Variants in ABCC9 observed in about 807,000 individuals in gnomAD.
ABCC9 encodes the protein ATP-binding cassette sub-family C member 9.
In ABCC9, 95 loss-of-function variants were observed where a neutral mutation model predicts 188.3. The ratio of observed to expected loss-of-function variants is 0.50; its 90% confidence interval spans 0.43 to 0.60. The LOEUF is 0.60. Among genes scored for constraint, ABCC9 ranks in the 20% least tolerant of loss-of-function variants. The pLI is 0.00. For synonymous variants in ABCC9, 659 were observed against 652.7 expected (o/e 1.01, Z -0.15); for missense variants, 1,102 against 1,876.3 (o/e 0.59, Z 7.62).
At chr12:21,838,342 G>A (rs766192201) in intron 29 of ABCC9, among the ~76,000 whole-genome samples, 172 bp from the exon 30 acceptor site, 1 of 152,202 alleles carries the variant, frequency 6.6e-6, no homozygotes, top group Non-Finnish European at 1.5e-5. Flanking sequence ...TAAAGAGGAA[G>A]AGAAAGATGG....
intron 24 of ABCC9, among the ~76,000 whole-genome samples, chr12:21,850,822 T>C (rs1372259570): frequency 6.6e-6 from 1 of 152,140 alleles, no homozygotes; most frequent in Non-Finnish European, 1.5e-5. Context: ...CACAGCACAA[T>C]TCCTAAGCAG....
intron 31 of ABCC9, chr12:21,827,113 G>T: frequency 1.0e-6 from 1 of 985,244 alleles, no homozygotes; most frequent in Non-Finnish European, 1.2e-6. Context: ...TTCACGTGGG[G>T]GTTAAAGTAT....
intron 31 of ABCC9, among the ~76,000 whole-genome samples, chr12:21,825,177 G>A (rs182141529): frequency 3.3e-4 from 50 of 152,266 alleles, no homozygotes; most frequent in East Asian, 1.2e-3. Context: ...AAATAGGAAC[G>A]CTTTTACACT....
chr12:21,803,371 C>T (rs1176505602), intron 39 of ABCC9, among the ~76,000 whole-genome samples: 2 of 151,600 alleles, frequency 1.3e-5, no homozygotes, highest in African/African-American at 4.8e-5. Flanking sequence ...AAAATAAAAA[C>T]ATTAGGCCAG....
intron 16 of ABCC9, among the ~76,000 whole-genome samples, 156 bp downstream of exon 16, chr12:21,882,610 A>G (rs890852487): frequency 3.3e-5 from 5 of 152,222 alleles, no homozygotes; most frequent in African/African-American, 9.6e-5. Context: ...AGAACTGACA[A>G]TTAAAACTCA....
At chr12:21,903,625 A>G (rs1947881934) in intron 12 of ABCC9, among the ~76,000 whole-genome samples, 1 of 152,214 alleles carries the variant, frequency 6.6e-6, no homozygotes, top group African/African-American at 2.4e-5. Flanking sequence ...AAACATTCCT[A>G]TACACCAATA....
intron 29 of ABCC9, among the ~76,000 whole-genome samples, chr12:21,838,730 A>G (rs1048166424): frequency 1.3e-5 from 2 of 152,120 alleles, no homozygotes; most frequent in African/African-American, 4.8e-5. Context: ...AAAATCGCTG[A>G]AGACTAGAAA....
intron 7 of ABCC9, among the ~76,000 whole-genome samples, chr12:21,914,021 T>C (rs1948433836): frequency 1.3e-5 from 2 of 152,194 alleles, no homozygotes; most frequent in Non-Finnish European, 1.5e-5. Context: ...TTTTAAAAAT[T>C]TTATGCAATA....
At chr12:21,899,276 A>G (rs901722455) in intron 12 of ABCC9, among the ~76,000 whole-genome samples, 1 of 152,206 alleles carries the variant, frequency 6.6e-6, no homozygotes, top group Non-Finnish European at 1.5e-5. Flanking sequence ...TCTTCGGCCA[A>G]TGCTGTTTGA....
At position 21,872,632 on chromosome 12, in the gene ABCC9, A is replaced by G. The variant is rs367621959; in HGVS notation, c.2191T>C (p.Trp731Arg). ...AACTAAAAATATACATACTTGCTCC[A>G]GTGAACTTTTCCTTCCAATGTCTGC... ...EMQTLEGKVH[W>R]SNVNESEPSF... The change falls in exon 18 of 40, where the codon TGG (tryptophan) becomes CGG (arginine). Residue 731 changes from tryptophan (W) to arginine (R), a missense_variant. By Grantham distance (101) the Trp-to-Arg change is moderately radical (BLOSUM62 -3). This residue lies in a region of ABCC9 where 258 missense variants were observed against 325.6 expected (regional missense o/e 0.79). Coordinates refer to ENST00000261200, the MANE Select transcript of ABCC9 (RefSeq NM_020297.4). The G allele has an allele frequency of 6.2e-7, 1 of 1,612,416 alleles. No individual in the cohort carries two copies. The highest frequency in any genetic ancestry group is 8.5e-7 in the Non-Finnish European group (1 of 1,178,472).
intron 16 of ABCC9, among the ~76,000 whole-genome samples, chr12:21,877,396 A>G (rs1160567961): frequency 6.6e-6 from 1 of 152,228 alleles, no homozygotes; most frequent in African/African-American, 2.4e-5. Context: ...GTAAAGAACT[A>G]TAGTGAGAAT....
chr12:21,801,132 C>T lies in ABCC9; in HGVS notation c.4562G>A (p.Arg1521Gln), dbSNP rs1477972160. The change falls in exon 40 of 40, where the codon CGA becomes CAA. Residue 1521 changes from arginine to glutamine, a missense_variant. Arg to Gln is a conservative substitution (Grantham distance 43). Around this residue, in one of 12 missense-constraint regions of ABCC9, gnomAD observed 40 missense variants for 105.5 expected, o/e 0.38. Coordinates refer to ENST00000261200, the MANE Select transcript of ABCC9 (RefSeq NM_020297.4). ...AGTGTCATATTCTAAAATATTTCCT[C>T]GCTTCATCACAATAACCAGGTCTGC... ...LTADLVIVMKRGNILEYDTPE... is the reference protein window; with the variant it reads ...LTADLVIVMKQGNILEYDTPE... 2 of 1,613,862 alleles carry T rather than the reference C, an allele frequency of 1.2e-6. No homozygotes were observed. Among genetic ancestry groups the T allele is most frequent in the East Asian group, 2.2e-5 (1 of 44,878 alleles).
chr12:21,934,188 C>T (rs990892164), intron 3 of ABCC9, among the ~76,000 whole-genome samples: 1 of 152,062 alleles, frequency 6.6e-6, no homozygotes, highest in Non-Finnish European at 1.5e-5. Flanking sequence ...CAACATGGTT[C>T]TACCTCATGC....
chr12:21,938,690 C>T (rs1018574192), intron 2 of ABCC9, among the ~76,000 whole-genome samples: 2 of 152,062 alleles, frequency 1.3e-5, no homozygotes, highest in African/African-American at 2.4e-5. Context: ...TCCAGTTGGC[C>T]ACATTTATAA....
At chr12:21,802,184 G>C (rs1941485121) in intron 39 of ABCC9, among the ~76,000 whole-genome samples, 1 of 152,148 alleles carries the variant, frequency 6.6e-6, no homozygotes, top group Non-Finnish European at 1.5e-5. Context: ...TTTCACATCT[G>C]TAAAATTATG....
chr12:21,869,521 C>G (rs574504697), intron 18 of ABCC9: 1 of 152,276 alleles, frequency 6.6e-6, no homozygotes, highest in South Asian at 2.1e-4. Context: ...TATTTTCCCA[C>G]TGAACTTAGA....
intron 12 of ABCC9, among the ~76,000 whole-genome samples, chr12:21,904,285 GA>G: frequency 6.6e-6 from 1 of 152,212 alleles, no homozygotes; most frequent in South Asian, 2.1e-4. Flanking sequence ...ATTCAAAATG[GA>G]TTAAAGACTT....
In ABCC9 at chr12:21,910,863, G is replaced by A. The variant is rs372244832; in HGVS notation, c.1127C>T (p.Thr376Ile). The A allele has an allele frequency of 1.2e-6, 2 of 1,612,456 alleles. No individual in the cohort carries two copies. The highest frequency in any genetic ancestry group is 1.7e-5 in the Admixed American group (1 of 59,900). Residue 376 changes from threonine to isoleucine, a missense_variant, in exon 9 of 40, where the codon ACC becomes ATC. Physicochemically the swap from Thr to Ile is moderately conservative, Grantham distance 89. Around this residue, in one of 12 missense-constraint regions of ABCC9, gnomAD observed 305 missense variants for 573.0 expected, o/e 0.53. Coordinates refer to ENST00000261200, the MANE Select transcript of ABCC9 (RefSeq NM_020297.4). ...RTFLQASYYV[T>I]IETGINLRGA... ...ACGGAGGTTAATGCCAGTCTCTATG[G>A]TTACATAGTAGGAAGCCTGCAAAAA...
Position 21,822,315 on chromosome 12 carries a change from G to GTT in ABCC9, c.3670-4066_3670-4065dup, listed in dbSNP as rs558814236. On this transcript the variant is annotated intron_variant, in intron 31 of 39. Transcript: ENST00000261200. Reference sequence around the variant, plus strand: ...TGGATTACTACCACTGCTAAAAACTGTTTTTTTTTTTTCTAAAGTACTGGA... The same window carrying GTT: ...TGGATTACTACCACTGCTAAAAACTGTTTTTTTTTTTTTTCTAAAGTACTGGA... 2.1e-5 allele frequency among the ~76,000 whole-genome samples: 3 copies of GTT among 141,542 alleles called. No individual in the cohort carries two copies. The South Asian group carries it at 6.7e-4, about 32-fold the overall frequency. 92.9% of individuals were successfully genotyped at this position (141,542 alleles called of 152,430 possible). A position where few individuals can be genotyped will look rare whatever the true frequency, so the allele number is the denominator to read the frequency against.
Sources: gnomAD v4.1 joint callset for allele counts (sites outside exome capture counted in the v4.1 genomes callset) on GRCh38, gnomAD v4.1.1 for gene constraint, gnomAD v4.1.1 regional missense constraint, MANE v1.5 for transcripts, NCBI Gene and HGNC (gene_info 2026-07-23, HGNC 2026-07-21) for gene names.